ATRNL1: variants seen among roughly 807,000 people sequenced by gnomAD.
The protein encoded by ATRNL1 is attractin like 1.
Under a neutral mutation model 182.7 loss-of-function variants are expected in ATRNL1, and 95 were observed. The observed-to-expected ratio is 0.52, with a 90% CI of 0.44 to 0.62. ATRNL1 has a LOEUF of 0.62. Among genes scored for constraint, ATRNL1 ranks in the 20% least tolerant of loss-of-function variants. ATRNL1 has a pLI of 0.00. For missense variants in ATRNL1, 1,471 were observed against 1,679.5 expected (o/e 0.88, Z 2.17); for synonymous variants, 576 against 568.3 (o/e 1.01, Z -0.19).
At chr10:115,416,301 T>C in intron 20 of ATRNL1, among the ~76,000 whole-genome samples, 1 of 152,150 alleles carries the variant, frequency 6.6e-6, no homozygotes, top group Non-Finnish European at 1.5e-5. Flanking sequence ...TGGAGGTACC[T>C]GTGTTTCCTT....
At chr10:115,531,375 C>T (rs374948072) in intron 25 of ATRNL1, among the ~76,000 whole-genome samples, 3,616 of 152,140 alleles carry the variant, frequency 0.024, 72 homozygotes, top group South Asian at 0.071. Flanking sequence ...TCTCTGATGG[C>T]CAGTGATGGT....
chr10:115,301,768 C>T, intron 16 of ATRNL1, 87 bp from the exon 17 acceptor site: 1 of 1,173,690 alleles, frequency 8.5e-7, no homozygotes. Context: ...TTGAAACATG[C>T]CCTGAACAGC....
At chr10:115,587,843 T>C (rs61881064) in intron 26 of ATRNL1, among the ~76,000 whole-genome samples, 72,219 of 151,812 alleles carry the variant, frequency 0.48, 18,621 homozygotes, top group East Asian at 0.84. Flanking sequence ...CCATTTTAAC[T>C]ATTAAAATAA....
At chr10:115,696,524 C>G (rs1189578242) in intron 26 of ATRNL1, among the ~76,000 whole-genome samples, 1 of 152,076 alleles carries the variant, frequency 6.6e-6, no homozygotes, top group African/African-American at 2.4e-5. Context: ...TGGGTATATG[C>G]CCAGTAGTAG....
At chr10:115,598,354 T>G (rs1856393229) in intron 26 of ATRNL1, among the ~76,000 whole-genome samples, 1 of 144,362 alleles carries the variant, frequency 6.9e-6, no homozygotes. Context: ...AAAAAAATTA[T>G]TTATTTATTT....
At chr10:115,231,815 C>T (rs1849964999) in intron 9 of ATRNL1, among the ~76,000 whole-genome samples, 1 of 151,744 alleles carries the variant, frequency 6.6e-6, no homozygotes, top group African/African-American at 2.4e-5. Flanking sequence ...TTTATTTTCT[C>T]AGTGAAGTAG....
chr10:115,928,313 G>T (rs1365620888), intron 28 of ATRNL1, among the ~76,000 whole-genome samples: 1 of 151,968 alleles, frequency 6.6e-6, no homozygotes, highest in African/African-American at 2.4e-5. Flanking sequence ...GCAAACTATT[G>T]TGGTAAAACT....
Position 115,597,489 on chromosome 10 carries a change from TTAA to T in ATRNL1, c.3795+47958_3795+47960del, listed in dbSNP as rs571861216. ...AATGGCAATCGAATACAAATGTGGG[TTAA>T]TAATGATGAAATTTCAATTACAAAA... On this transcript the variant is annotated intron_variant, in intron 26 of 28. Coordinates refer to ENST00000355044, the MANE Select transcript of ATRNL1 (RefSeq NM_207303.4). 119 of 352,924 alleles carry T rather than the reference TTAA, an allele frequency of 3.4e-4. 2 individuals carry two copies. The highest frequency in any genetic ancestry group is 1.7e-3 in the African/African-American group (76 of 46,042). The allele number at this position is 352,924 out of a possible 1,614,324, so 21.9% of individuals were successfully genotyped here.
intron 1 of ATRNL1, among the ~76,000 whole-genome samples, chr10:115,114,612 A>G (rs945172764): frequency 3.3e-5 from 5 of 152,344 alleles, no homozygotes; most frequent in South Asian, 2.1e-4. Flanking sequence ...AAGAAAACAT[A>G]CAAAAGGTCA....
chr10:115,099,886 A>G (rs1800906788), intron 1 of ATRNL1, among the ~76,000 whole-genome samples: 1 of 152,258 alleles, frequency 6.6e-6, no homozygotes, highest in Admixed American at 6.5e-5. Context: ...TATGAAAACA[A>G]TGCAAAGAGA....
intron 26 of ATRNL1, among the ~76,000 whole-genome samples, chr10:115,551,414 T>C (rs540161111): frequency 5.1e-4 from 78 of 151,472 alleles, no homozygotes; most frequent in African/African-American, 1.9e-3. Context: ...AAAAGACAAA[T>C]AGTAGAGGGG....
rs545332587 is a variant in ATRNL1, at chr10:115,551,647, T to C, written c.3795+2111T>C. Among the ~76,000 whole-genome samples, 11 of 151,700 alleles carry C rather than the reference T, an allele frequency of 7.3e-5. No homozygotes were observed. The East Asian group carries it at 1.3e-3, about 19-fold the overall frequency. On this transcript the variant is annotated intron_variant, in intron 26 of 28. Coordinates refer to ENST00000355044, the MANE Select transcript of ATRNL1 (RefSeq NM_207303.4). ...TGCTATAGCATTACATGTTAAAACA[T>C]ATTTTGAGGAATTTTCTGAAATTTA...
chr10:115,574,165 A>T (rs1239262652), intron 26 of ATRNL1, among the ~76,000 whole-genome samples: 2 of 151,496 alleles, frequency 1.3e-5, no homozygotes, highest in Admixed American at 6.6e-5. Context: ...TACAGCCATT[A>T]TATATAATTG....
intron 19 of ATRNL1, among the ~76,000 whole-genome samples, chr10:115,382,947 ATT>A (rs2134237904): frequency 6.6e-6 from 1 of 152,028 alleles, no homozygotes; most frequent in East Asian, 1.9e-4. Context: ...GGGACTCTTA[ATT>A]TCATTCCATT....
At chr10:115,846,426 C>G (rs1204890431) in intron 27 of ATRNL1, among the ~76,000 whole-genome samples, 1 of 151,950 alleles carries the variant, frequency 6.6e-6, no homozygotes, top group Admixed American at 6.6e-5. Context: ...CTAGAATATT[C>G]TAGGTGAATG....
chr10:115,145,436 C>G (rs1845932022), intron 5 of ATRNL1, among the ~76,000 whole-genome samples: 1 of 151,870 alleles, frequency 6.6e-6, no homozygotes, highest in Non-Finnish European at 1.5e-5. Context: ...ACTGTAAGAG[C>G]CAAGTATTCT....
intron 18 of ATRNL1, among the ~76,000 whole-genome samples, chr10:115,316,521 G>C (rs1456323431): frequency 2.6e-5 from 4 of 150,948 alleles, no homozygotes; most frequent in Admixed American, 2.0e-4. Flanking sequence ...CTAGATCCTT[G>C]AGGAATCACA....
intron 10 of ATRNL1, among the ~76,000 whole-genome samples, chr10:115,252,216 C>T (rs147417222): frequency 1.6e-3 from 244 of 152,128 alleles, no homozygotes; most frequent in African/African-American, 5.5e-3. Flanking sequence ...TTAGTAGAGA[C>T]GGGGGTTTCA....
chr10:115,418,403 G>C (rs1419778845), intron 20 of ATRNL1, among the ~76,000 whole-genome samples: 1 of 152,116 alleles, frequency 6.6e-6, no homozygotes, highest in Non-Finnish European at 1.5e-5. Context: ...AACATAGTCA[G>C]AGGTGAAAGA....
Sources: gnomAD v4.1 joint callset for allele counts (sites outside exome capture counted in the v4.1 genomes callset) on GRCh38, gnomAD v4.1.1 for gene constraint, MANE v1.5 for transcripts, NCBI Gene and HGNC (gene_info 2026-07-23, HGNC 2026-07-21) for gene names.